Variants in FLI1 observed in about 807,000 individuals in gnomAD.
FLI1 encodes the protein Fli-1 proto-oncogene, ETS transcription factor, also known as Friend leukemia integration 1 transcription factor.
Under a neutral mutation model 53.1 loss-of-function variants are expected in FLI1, and 13 were observed. That is an observed-to-expected ratio of 0.24 (90% confidence interval 0.16 to 0.39). The LOEUF (loss-of-function observed/expected upper bound fraction) is 0.39. Among genes scored for constraint, FLI1 ranks in the 10% least tolerant of loss-of-function variants. FLI1 has a pLI of 1.00. For missense variants in FLI1, 424 were observed against 600.5 expected (o/e 0.71, Z 3.07); for synonymous variants, 244 against 236.7 (o/e 1.03, Z -0.28).
intron 1 of FLI1, among the ~76,000 whole-genome samples, chr11:128,712,599 A>C (rs1039510917): frequency 5.3e-5 from 8 of 152,280 alleles, no homozygotes; most frequent in South Asian, 4.1e-4. Flanking sequence ...CAAGGAGGAG[A>C]AAGTCACACC....
At chr11:128,709,125 A>G (rs941638742) in intron 1 of FLI1, among the ~76,000 whole-genome samples, 1 of 152,236 alleles carries the variant, frequency 6.6e-6, no homozygotes, top group African/African-American at 2.4e-5. Context: ...CTTCGGTCAG[A>G]TAATAACTTC....
chr11:128,695,220 G>A (rs1186428840), intron 1 of FLI1, among the ~76,000 whole-genome samples: 1 of 152,252 alleles, frequency 6.6e-6, no homozygotes, highest in African/African-American at 2.4e-5. Context: ...AAAGGTGAGG[G>A]TTTGGGTTCG....
chr11:128,712,618 A>G (rs1364390582), intron 1 of FLI1, among the ~76,000 whole-genome samples: 2 of 152,204 alleles, frequency 1.3e-5, no homozygotes, highest in Non-Finnish European at 2.9e-5. Context: ...CCTTACACGG[A>G]TGGCAGCAGG....
chr11:128,799,046 A>ATTT lies in FLI1; in HGVS notation c.656-6318_656-6317insTTT, dbSNP rs759935387. ...TATTATTATTATTATTATTATTATT[A>ATTT]TTATTATTTTGCTTTGGAGACAGGA... On this transcript the variant is annotated intron_variant, in intron 5 of 8. Coordinates refer to ENST00000527786, the MANE Select transcript of FLI1 (RefSeq NM_002017.5). 3.2e-4 allele frequency among the ~76,000 whole-genome samples: 44 copies of ATTT among 135,796 alleles called. 2 individuals are homozygous for ATTT. The highest frequency in any genetic ancestry group is 1.1e-3 in the African/African-American group (40 of 36,050). The allele number at this position is 135,796 out of a possible 152,430, so 89.1% of individuals were successfully genotyped here.
chr11:128,701,253 G>C (rs1221525208), intron 1 of FLI1, among the ~76,000 whole-genome samples: 1 of 152,082 alleles, frequency 6.6e-6, no homozygotes, highest in African/African-American at 2.4e-5. Context: ...CTTTTCAATT[G>C]GGCCTTCTAT....
At chr11:128,703,860 A>AAC (rs1938441959) in intron 1 of FLI1, among the ~76,000 whole-genome samples, 1 of 151,124 alleles carries the variant, frequency 6.6e-6, no homozygotes, top group African/African-American at 2.4e-5. Context: ...AAAAAAAAAA[A>AAC]AAACAAACGT....
At chr11:128,712,357 A>G (rs1422203869) in intron 1 of FLI1, among the ~76,000 whole-genome samples, 1 of 152,208 alleles carries the variant, frequency 6.6e-6, no homozygotes, top group Non-Finnish European at 1.5e-5. Flanking sequence ...AACCATGAGC[A>G]CCATGAGCCA....
At chr11:128,798,097 G>A (rs938758107) in intron 5 of FLI1, among the ~76,000 whole-genome samples, 1 of 152,122 alleles carries the variant, frequency 6.6e-6, no homozygotes, top group African/African-American at 2.4e-5. Context: ...TTATCCTCAA[G>A]CCTGATTACC....
chr11:128,772,184 G>A (rs376699087), intron 3 of FLI1, among the ~76,000 whole-genome samples: 3 of 152,100 alleles, frequency 2.0e-5, no homozygotes, highest in Non-Finnish European at 2.9e-5. Context: ...TCTCCCCAAC[G>A]TCATCTCTCA....
chr11:128,764,888 C>G, intron 2 of FLI1: 3 of 1,516,992 alleles, frequency 2.0e-6, no homozygotes, highest in Non-Finnish European at 2.7e-6. Flanking sequence ...TGTGGGGAAC[C>G]AGGATGGTGC....
At chr11:128,772,400 G>C (rs1416296668) in intron 3 of FLI1, among the ~76,000 whole-genome samples, 1 of 152,210 alleles carries the variant, frequency 6.6e-6, no homozygotes, top group African/African-American at 2.4e-5. Context: ...GTTCTTTCAT[G>C]AAATCATTAA....
chr11:128,776,165 C>T (rs886651587), intron 4 of FLI1, among the ~76,000 whole-genome samples: 6 of 152,202 alleles, frequency 3.9e-5, no homozygotes, highest in African/African-American at 1.4e-4. Context: ...TAGCAGTTCC[C>T]TGTGCCCCTA....
chr11:128,794,148 T>G (rs1942359981), intron 5 of FLI1, among the ~76,000 whole-genome samples: 1 of 152,360 alleles, frequency 6.6e-6, no homozygotes, highest in African/African-American at 2.4e-5. Flanking sequence ...GAGCGAGGAC[T>G]GCAGATGCAG....
chr11:128,777,958 C>G (rs1941792905), intron 4 of FLI1, among the ~76,000 whole-genome samples: 1 of 152,198 alleles, frequency 6.6e-6, no homozygotes, highest in African/African-American at 2.4e-5. Context: ...CTGCTCACTC[C>G]CCTCTCCTTT....
At chr11:128,722,837 C>T (rs979514326) in intron 1 of FLI1, among the ~76,000 whole-genome samples, 27 of 152,070 alleles carry the variant, frequency 1.8e-4, no homozygotes, top group African/African-American at 3.9e-4. Context: ...CTGGGAACCG[C>T]GGGGTGGGGG....
intron 1 of FLI1, among the ~76,000 whole-genome samples, chr11:128,752,302 A>G (rs1940681574): frequency 6.6e-6 from 1 of 152,200 alleles, no homozygotes; most frequent in Non-Finnish European, 1.5e-5. Flanking sequence ...ACTTTGTCCC[A>G]AGAACTTCAG....
At chr11:128,730,564 TC>T (rs1939654685) in intron 1 of FLI1, among the ~76,000 whole-genome samples, 1 of 152,230 alleles carries the variant, frequency 6.6e-6, no homozygotes, top group Non-Finnish European at 1.5e-5. Flanking sequence ...TGTTTTCATT[TC>T]TTTTTGAAGG....
chr11:128,752,966 C>G (rs2135798867), intron 1 of FLI1, among the ~76,000 whole-genome samples: 1 of 152,330 alleles, frequency 6.6e-6, no homozygotes, highest in South Asian at 2.1e-4. Context: ...GGAAAGCAAG[C>G]ATTTCTATCG....
At position 128,810,644 on chromosome 11, in the gene FLI1, C is replaced by T; in HGVS notation, c.1015C>T (p.Leu339Phe). Residue 339 changes from leucine (L) to phenylalanine (F), a missense_variant, in exon 9 of 9, where the codon CTC becomes TTC. This residue lies in a region of FLI1 where 71 missense variants were observed against 174.2 expected (regional missense o/e 0.41). Transcript: ENST00000527786. This position sits in a 1 kb window ranked among gnomAD's most constrained non-coding sequence, Gnocchi z 6.6. Reference sequence around the variant, plus strand: ...GAATTACGACAAGCTGAGCCGGGCCCTCCGTTATTACTATGATAAAAACAT... The same window carrying T: ...GAATTACGACAAGCTGAGCCGGGCCTTCCGTTATTACTATGATAAAAACAT... Reference protein sequence around the residue: ...NMNYDKLSRALRYYYDKNIMT... With the variant: ...NMNYDKLSRAFRYYYDKNIMT... 6.2e-7 allele frequency: 1 copy of T among 1,614,090 alleles called. No individual in the cohort carries two copies. Among genetic ancestry groups the T allele is most frequent in the South Asian group, 1.1e-5 (1 of 91,078 alleles).
Sources: gnomAD v4.1 joint callset for allele counts (sites outside exome capture counted in the v4.1 genomes callset) on GRCh38, gnomAD v4.1.1 for gene constraint, gnomAD v4.1.1 regional missense constraint, Gnocchi (gnomAD v3.1) non-coding constraint, MANE v1.5 for transcripts, NCBI Gene and HGNC (gene_info 2026-07-23, HGNC 2026-07-21) for gene names.